Variants in ATXN7 observed in about 807,000 individuals in gnomAD.
The protein encoded by ATXN7 is ataxin-7.
ATXN7 carries 12 observed loss-of-function variants against 70.5 expected under a neutral mutation model. The observed-to-expected ratio is 0.17, with a 90% CI of 0.11 to 0.28. ATXN7 has a LOEUF of 0.28. Among genes scored for constraint, ATXN7 ranks in the 10% least tolerant of loss-of-function variants. The pLI, the probability that ATXN7 is intolerant of heterozygous loss-of-function variation, is 1.00. For synonymous variants in ATXN7, 498 were observed against 448.7 expected, an observed-to-expected ratio of 1.11 and a Z score of -1.39; for missense variants, 1,256 against 1,131.7, an observed-to-expected ratio of 1.11 and a Z score of -1.58.
chr3:63,972,440 G>A (rs1293918355), intron 5 of ATXN7, among the ~76,000 whole-genome samples: 1 of 152,292 alleles, frequency 6.6e-6, no homozygotes, highest in East Asian at 1.9e-4. Context: ...CATGCAGAGT[G>A]CACACTCTGT....
At chr3:63,995,207 G>T (rs2075737059) in intron 11 of ATXN7, among the ~76,000 whole-genome samples, 1 of 151,556 alleles carries the variant, frequency 6.6e-6, no homozygotes, top group Non-Finnish European at 1.5e-5. Flanking sequence ...CATTTTCTCA[G>T]AATATAAGGA....
In ATXN7 at chr3:63,982,486, A is replaced by G. The variant is rs764139937; in HGVS notation, c.1012+41A>G. ...CTTTCTTCATAATGCTTCTCTATAT[A>G]TTAAATGGGCATTCGTGGGGAGCAA... On this transcript the variant is annotated intron_variant, in intron 7 of 12. Coordinates refer to ENST00000674280, the MANE Select transcript of ATXN7 (RefSeq NM_001377405.1). The G allele has an allele frequency of 7.0e-5, 104 of 1,493,180 alleles. 1 individual carries two copies. In the East Asian group the frequency reaches 2.5e-3, roughly 35 times the overall value. 92.5% of individuals were successfully genotyped at this position (1,493,180 alleles called of 1,614,324 possible).
chr3:63,938,268 G>T (rs2107356464), intron 4 of ATXN7, among the ~76,000 whole-genome samples: 1 of 152,280 alleles, frequency 6.6e-6, no homozygotes, highest in African/African-American at 2.4e-5. Context: ...CTTTCTTGTG[G>T]AAGTATTGCC....
intron 4 of ATXN7, among the ~76,000 whole-genome samples, chr3:63,916,926 G>A (rs573522514): frequency 6.6e-6 from 1 of 152,110 alleles, no homozygotes; most frequent in East Asian, 1.9e-4. Context: ...TGTTGTTATT[G>A]TTGTTGAGAT....
intron 4 of ATXN7, among the ~76,000 whole-genome samples, chr3:63,938,021 T>C (rs2074695122): frequency 6.6e-6 from 1 of 152,242 alleles, no homozygotes; most frequent in African/African-American, 2.4e-5. Context: ...GCCTGACCTT[T>C]TACTTCAGAA....
At chr3:63,948,217 G>T (rs1460936470) in intron 4 of ATXN7, among the ~76,000 whole-genome samples, 1 of 152,144 alleles carries the variant, frequency 6.6e-6, no homozygotes, top group African/African-American at 2.4e-5. Context: ...GAACTTAACT[G>T]GGTGTGCTAG....
intron 1 of ATXN7, among the ~76,000 whole-genome samples, chr3:63,870,612 A>AT (rs998264822): frequency 1.3e-4 from 20 of 152,142 alleles, no homozygotes; most frequent in Middle Eastern, 3.4e-3. Flanking sequence ...CACCTTGCCC[A>AT]TTTTTTTATA....
At chr3:63,980,191 T>C (rs72885737) in intron 6 of ATXN7, 24 bp downstream of exon 6, 35,204 of 1,613,178 alleles carry the variant, frequency 0.022, 590 homozygotes, top group African/African-American at 0.089. Context: ...AGAGGGTTTT[T>C]AAAGCTTACC....
chr3:63,868,485 G>T (rs1398957897), intron 1 of ATXN7, among the ~76,000 whole-genome samples: 2 of 152,174 alleles, frequency 1.3e-5, no homozygotes, highest in South Asian at 4.1e-4. Context: ...TATATTCATG[G>T]TATAGGATAA....
At chr3:63,985,584 G>A (rs1559657593) in intron 8 of ATXN7, among the ~76,000 whole-genome samples, 1 of 152,184 alleles carries the variant, frequency 6.6e-6, no homozygotes, top group Non-Finnish European at 1.5e-5. Flanking sequence ...TTGCTGCCAG[G>A]TCTCTTCTGT....
chr3:63,989,242 C>A (rs2075627489), intron 9 of ATXN7, among the ~76,000 whole-genome samples: 1 of 152,198 alleles, frequency 6.6e-6, no homozygotes, highest in Non-Finnish European at 1.5e-5. Flanking sequence ...CCAGAGATTT[C>A]CTCCCCAAGT....
At position 64,001,849 on chromosome 3, in the gene ATXN7, CA is replaced by C. The variant is rs2075836376; in HGVS notation, c.*2384del. 6.6e-6 allele frequency: 1 copy of C among 152,046 alleles called. No individual in the cohort carries two copies. Among genetic ancestry groups the C allele is most frequent in the Non-Finnish European group, 1.5e-5 (1 of 68,010 alleles). The allele number at this position is 152,046 out of a possible 1,614,324, so 9.4% of individuals were successfully genotyped here. A position where few individuals can be genotyped will look rare whatever the true frequency, so the allele number is the denominator to read the frequency against. On this transcript the variant is annotated 3_prime_UTR_variant, in exon 13 of 13. Coordinates refer to ENST00000674280, the MANE Select transcript of ATXN7 (RefSeq NM_001377405.1). ...TAAGACCATTTAAAACACGGGAGTA[CA>C]AGTATTTTTTTGAATTAAATTAACT...
chr3:63,984,852 T>G (rs33999932), intron 8 of ATXN7, among the ~76,000 whole-genome samples: 6,949 of 152,296 alleles, frequency 0.046, 196 homozygotes, highest in African/African-American at 0.071. Context: ...TGATTATAGA[T>G]CTCATATAAG....
intron 1 of ATXN7, among the ~76,000 whole-genome samples, chr3:63,897,487 G>A (rs1376039424): frequency 6.6e-6 from 1 of 152,154 alleles, no homozygotes; most frequent in African/African-American, 2.4e-5. Flanking sequence ...TGCTTTATTT[G>A]TATCTTAGGA....
chr3:63,988,278 C>A lies in ATXN7; in HGVS notation c.1315C>A (p.Pro439Thr). The change falls in exon 9 of 13, where the codon CCT (proline) becomes ACT (threonine). Residue 439 changes from proline (P) to threonine (T), a missense_variant. Physicochemically the swap from Pro to Thr is conservative, Grantham distance 38. Transcript: ENST00000674280. ...PHGVIPSESK[P>T]FVASKPKPHT... ...CGGAGTGATTCCTTCCGAATCAAAGCCTTTTGTAGCTAGTAAACCTAAACC... is the reference window on the plus strand; with the variant it reads ...CGGAGTGATTCCTTCCGAATCAAAGACTTTTGTAGCTAGTAAACCTAAACC... 6.2e-7 allele frequency: 1 copy of A among 1,614,070 alleles called. No individual in the cohort carries two copies. The highest frequency in any genetic ancestry group is 2.2e-5 in the East Asian group (1 of 44,864).
intron 4 of ATXN7, among the ~76,000 whole-genome samples, chr3:63,928,077 G>T (rs1329986945): frequency 6.6e-6 from 1 of 152,074 alleles, no homozygotes; most frequent in Non-Finnish European, 1.5e-5. Flanking sequence ...ATCAGTGCTG[G>T]GTAGTCTTTG....
In ATXN7 at chr3:63,996,223, A is replaced by G. The variant is rs375412696; in HGVS notation, c.2401A>G (p.Thr801Ala). 12 of 1,613,606 alleles carry G rather than the reference A, an allele frequency of 7.4e-6. No individual in the cohort carries two copies. The highest frequency in any genetic ancestry group is 9.3e-6 in the Non-Finnish European group (11 of 1,179,936). The stretch of plus-strand genomic sequence containing the variant: ...TGTGATGGTGAACAGCAGTGATTCT[A>G]CTCTTTCTCTTGGGCCATTCATTCA... ...MSVMVNSSDS[T>A]LSLGPFIHQS... is the part of the protein sequence containing the mutation. Residue 801 changes from threonine to alanine, a missense_variant, in exon 12 of 13, where the codon ACT becomes GCT. Thr to Ala is a moderately conservative substitution (Grantham distance 58). Coordinates refer to ENST00000674280, the MANE Select transcript of ATXN7 (RefSeq NM_001377405.1).
At chr3:63,908,005 A>G (rs1170689854) in intron 2 of ATXN7, among the ~76,000 whole-genome samples, 1 of 152,210 alleles carries the variant, frequency 6.6e-6, no homozygotes, top group Admixed American at 6.5e-5. Flanking sequence ...TCATATGTAC[A>G]TGCAAACATA....
chr3:63,990,113 C>T, intron 9 of ATXN7, 63 bp from the exon 10 acceptor site: 2 of 1,517,538 alleles, frequency 1.3e-6, no homozygotes, highest in African/African-American at 1.4e-5. Context: ...TGTTGTATCT[C>T]AGTTAAGGTG....
Sources: gnomAD v4.1 joint callset for allele counts (sites outside exome capture counted in the v4.1 genomes callset) on GRCh38, gnomAD v4.1.1 for gene constraint, MANE v1.5 for transcripts, NCBI Gene and HGNC (gene_info 2026-07-23, HGNC 2026-07-21) for gene names.